Variants in CEP112 observed in about 807,000 individuals in gnomAD.
The protein encoded by CEP112 is centrosomal protein of 112 kDa.
Under a neutral mutation model 153.0 loss-of-function variants are expected in CEP112, and 127 were observed. The observed-to-expected ratio is 0.83, with a 90% CI of 0.72 to 0.96. CEP112 has a LOEUF of 0.96. CEP112 is among the 40% of genes least tolerant of loss of function. The pLI is 0.00. For missense variants in CEP112, 1,089 were observed against 1,101.2 expected, an observed-to-expected ratio of 0.99 and a Z score of 0.16; for synonymous variants, 358 against 374.4, an observed-to-expected ratio of 0.96 and a Z score of 0.51.
At chr17:65,952,390 C>T (rs1214314405) in intron 18 of CEP112, among the ~76,000 whole-genome samples, 1 of 151,950 alleles carries the variant, frequency 6.6e-6, no homozygotes, top group Admixed American at 6.6e-5. Context: ...TACTCTTCTG[C>T]TTGCATATTC....
chr17:65,734,118 T>C (rs2050666679), intron 23 of CEP112, among the ~76,000 whole-genome samples: 1 of 152,210 alleles, frequency 6.6e-6, no homozygotes, highest in South Asian at 2.1e-4. Flanking sequence ...AGATTCGGAC[T>C]GGGTGAGGGA....
chr17:65,852,895 C>T (rs1568118315), intron 20 of CEP112, among the ~76,000 whole-genome samples: 1 of 152,054 alleles, frequency 6.6e-6, no homozygotes, highest in East Asian at 1.9e-4. Flanking sequence ...AAATGTAAGA[C>T]TACAAATGTC....
At chr17:66,018,306 AT>A (rs1168875542) in intron 16 of CEP112, among the ~76,000 whole-genome samples, 26 of 151,914 alleles carry the variant, frequency 1.7e-4, no homozygotes, top group Non-Finnish European at 3.5e-4. Flanking sequence ...CACTGAATAT[AT>A]TTTTTTTGCT....
intron 21 of CEP112, among the ~76,000 whole-genome samples, chr17:65,784,639 C>A (rs1343050175): frequency 2.0e-5 from 3 of 152,096 alleles, no homozygotes; most frequent in African/African-American, 7.2e-5. Flanking sequence ...TGCCACCATG[C>A]CTGGCAAATT....
intron 4 of CEP112, among the ~76,000 whole-genome samples, chr17:66,154,581 G>T (rs779841440): frequency 3.3e-5 from 5 of 152,086 alleles, no homozygotes; most frequent in Non-Finnish European, 7.4e-5. Context: ...GATAGACAGA[G>T]GGAATTAGCC....
chr17:65,772,440 A>T (rs1167619536), intron 21 of CEP112, among the ~76,000 whole-genome samples: 1 of 152,198 alleles, frequency 6.6e-6, no homozygotes, highest in African/African-American at 2.4e-5. Flanking sequence ...GTAGACATTA[A>T]TAGGGTAATA....
intron 15 of CEP112, 147 bp downstream of exon 15, chr17:66,028,166 A>G: frequency 1.9e-6 from 1 of 530,470 alleles, no homozygotes. Context: ...GATAAATAAA[A>G]TGTAAAATTA....
In CEP112 at chr17:65,692,415, G is replaced by A. The variant is rs140192773; in HGVS notation, c.2608-3197C>T. ...GCTAATTTTTTATATTTTTAGTAGA[G>A]ACGAGGTTTCACCATGTTAGCCAGG... On this transcript the variant is annotated intron_variant, in intron 23 of 26. Transcript: ENST00000535342. 5.9e-3 allele frequency among the ~76,000 whole-genome samples: 902 copies of A among 152,032 alleles called. 9 individuals carry two copies. Among genetic ancestry groups the A allele is most frequent in the African/African-American group, 0.021 (851 of 41,462 alleles).
At chr17:65,743,885 C>T (rs1274519634) in intron 22 of CEP112, among the ~76,000 whole-genome samples, 2 of 151,876 alleles carry the variant, frequency 1.3e-5, no homozygotes, top group African/African-American at 4.8e-5. Flanking sequence ...CTTCAGCCTC[C>T]CGAGTAGCTG....
intron 8 of CEP112, among the ~76,000 whole-genome samples, chr17:66,081,008 G>C (rs1336367218): frequency 6.6e-6 from 1 of 151,574 alleles, no homozygotes; most frequent in African/African-American, 2.4e-5. Flanking sequence ...ACTGGGGACT[G>C]TCAGGGGGTA....
At chr17:65,898,091 T>C (rs534268132) in intron 20 of CEP112, among the ~76,000 whole-genome samples, 131 of 152,266 alleles carry the variant, frequency 8.6e-4, no homozygotes, top group African/African-American at 3.1e-3. Flanking sequence ...TGCTTAATTA[T>C]TTTCAGTTAT....
intron 17 of CEP112, among the ~76,000 whole-genome samples, chr17:66,002,981 A>C (rs1021075984): frequency 6.6e-6 from 1 of 152,228 alleles, no homozygotes; most frequent in African/African-American, 2.4e-5. Flanking sequence ...AACCAGATCT[A>C]ACGCTATTCT....
chr17:65,881,659 C>T (rs2059080826), intron 20 of CEP112, among the ~76,000 whole-genome samples: 1 of 152,116 alleles, frequency 6.6e-6, no homozygotes, highest in African/African-American at 2.4e-5. Context: ...TACAGCAGTG[C>T]CCCATGACAC....
At chr17:65,956,673 C>T (rs950185298) in intron 18 of CEP112, among the ~76,000 whole-genome samples, 1 of 151,962 alleles carries the variant, frequency 6.6e-6, no homozygotes, top group Non-Finnish European at 1.5e-5. Context: ...ACATTGAATA[C>T]AGTATACACC....
intron 24 of CEP112, among the ~76,000 whole-genome samples, chr17:65,673,447 C>A (rs570342219): frequency 2.0e-5 from 3 of 152,204 alleles, no homozygotes; most frequent in African/African-American, 7.2e-5. Context: ...GGATCATCTG[C>A]CTTTTTTAAG....
At chr17:66,045,386 T>C (rs2066163230) in intron 12 of CEP112, among the ~76,000 whole-genome samples, 1 of 152,122 alleles carries the variant, frequency 6.6e-6, no homozygotes, top group South Asian at 2.1e-4. Context: ...TTTTAAAATT[T>C]GGTAAGTCCA....
At chr17:66,010,210 T>C (rs1035977690) in intron 16 of CEP112, among the ~76,000 whole-genome samples, 2 of 152,232 alleles carry the variant, frequency 1.3e-5, no homozygotes, top group South Asian at 2.1e-4. Flanking sequence ...TATTTTATTC[T>C]TTTTGTGGCT....
At chr17:65,669,233 C>A (rs958344092) in intron 24 of CEP112, among the ~76,000 whole-genome samples, 5 of 152,086 alleles carry the variant, frequency 3.3e-5, no homozygotes, top group African/African-American at 1.2e-4. Context: ...TTTCTCTTTC[C>A]TTTTGAAAAT....
At chr17:65,847,254 G>T (rs1235571746) in intron 21 of CEP112, among the ~76,000 whole-genome samples, 1 of 152,052 alleles carries the variant, frequency 6.6e-6, no homozygotes. Context: ...TAAATTCTGG[G>T]ATCCCTTGTG....
Sources: gnomAD v4.1 joint callset for allele counts (sites outside exome capture counted in the v4.1 genomes callset) on GRCh38, gnomAD v4.1.1 for gene constraint, MANE v1.5 for transcripts, NCBI Gene and HGNC (gene_info 2026-07-23, HGNC 2026-07-21) for gene names.